KIF13A: variants seen among roughly 807,000 people sequenced by gnomAD.
KIF13A encodes kinesin-like protein KIF13A.
Under a neutral mutation model 212.2 loss-of-function variants are expected in KIF13A, and 79 were observed. The ratio of observed to expected loss-of-function variants is 0.37; its 90% CI spans 0.31 to 0.45. The LOEUF (loss-of-function observed/expected upper bound fraction) is 0.45. Ranked by LOEUF, KIF13A falls within the 20% of genes least tolerant of loss-of-function variation. The probability of loss-of-function intolerance (pLI) is 1.00; values close to 1 mark genes in which losing one functional copy is unlikely to be tolerated. For missense variants in KIF13A, 1,901 were observed against 2,209.0 expected, an observed-to-expected ratio of 0.86 and a Z score of 2.79; for synonymous variants, 789 against 808.6, an observed-to-expected ratio of 0.98 and a Z score of 0.41.
rs1310885000 is a variant in KIF13A, at chr6:17,789,146, G to C, written c.3261+726C>G. On this transcript the variant is annotated intron_variant, in intron 26 of 38. Coordinates refer to ENST00000259711, the MANE Select transcript of KIF13A (RefSeq NM_022113.6). This position sits in a 1 kb window ranked among gnomAD's most constrained non-coding sequence, Gnocchi z 4.8. The stretch of plus-strand genomic sequence containing the variant: ...AAGCTTCATCTTGGTTTGCTGCTTT[G>C]ACTATTTGTACGTAACCCCACACTC... 6.6e-6 allele frequency among the ~76,000 whole-genome samples: 1 copy of C among 152,176 alleles called. No homozygotes were observed. The highest frequency in any genetic ancestry group is 1.5e-5 in the Non-Finnish European group (1 of 68,032).
Position 17,816,780 on chromosome 6 carries a change from C to T in KIF13A, c.2000+240G>A, listed in dbSNP as rs1397347331. On this transcript the variant is annotated intron_variant, in intron 17 of 38. Transcript: ENST00000259711. The surrounding 1 kb of genome is among the most constrained non-coding windows in gnomAD (Gnocchi z 4.3). The stretch of plus-strand genomic sequence containing the variant: ...CCTGTCTAACCCTTGCAACTTGGCA[C>T]CATTTTTATTGAAGGGTAAATGGTT... 6.6e-6 allele frequency among the ~76,000 whole-genome samples: 1 copy of T among 152,206 alleles called. No homozygotes were observed. The highest frequency in any genetic ancestry group is 1.5e-5 in the Non-Finnish European group (1 of 68,040).
chr6:17,851,508 A>C (rs550737128), intron 7 of KIF13A, among the ~76,000 whole-genome samples: 1 of 152,346 alleles, frequency 6.6e-6, no homozygotes, highest in East Asian at 1.9e-4. Context: ...TCAAAGAGTA[A>C]ATAAAGTAAA....
intron 2 of KIF13A, among the ~76,000 whole-genome samples, chr6:17,901,570 A>G (rs1325934916): frequency 3.3e-5 from 5 of 152,232 alleles, no homozygotes. Flanking sequence ...AAATAAAATA[A>G]CTACTCAAAC....
In KIF13A at chr6:17,839,696, A is replaced by T. The variant is rs1487742080; in HGVS notation, c.831-2113T>A. ...AGGGAGGGCCCTAATCTAATGAGTG[A>T]TGTCCTTATAAGAAGGTCATATAAA... is the stretch of plus-strand genomic sequence containing the variant. On this transcript the variant is annotated intron_variant, in intron 9 of 38. Transcript: ENST00000259711. This position sits in a 1 kb window ranked among gnomAD's most constrained non-coding sequence, Gnocchi z 4.3. Among the ~76,000 whole-genome samples, 1 of 152,168 alleles carries T rather than the reference A, an allele frequency of 6.6e-6. No homozygotes were observed. Among genetic ancestry groups the T allele is most frequent in the Non-Finnish European group, 1.5e-5 (1 of 68,026 alleles).
At position 17,773,633 on chromosome 6, in the gene KIF13A, G is replaced by T; in HGVS notation, c.4219-50C>A. On this transcript the variant is annotated intron_variant, in intron 35 of 38. Coordinates refer to ENST00000259711, the MANE Select transcript of KIF13A (RefSeq NM_022113.6). This position sits in a 1 kb window ranked among gnomAD's most constrained non-coding sequence, Gnocchi z 4.2. Reference sequence around the variant, plus strand: ...CTGTAATTGAATCACTCCAAAATAAGAAATAAAGCCCAGGTTGGAGTTTCT... The same window carrying T: ...CTGTAATTGAATCACTCCAAAATAATAAATAAAGCCCAGGTTGGAGTTTCT... The T allele has an allele frequency of 9.7e-7, 1 of 1,031,344 alleles. No homozygotes were observed. The highest frequency in any genetic ancestry group is 1.4e-6 in the Non-Finnish European group (1 of 691,592). The allele number at this position is 1,031,344 out of a possible 1,614,324, so 63.9% of individuals were successfully genotyped here. A position where few individuals can be genotyped will look rare whatever the true frequency, so the allele number is the denominator to read the frequency against.
At chr6:17,901,740 G>T (rs2150488392) in intron 2 of KIF13A, among the ~76,000 whole-genome samples, 1 of 152,254 alleles carries the variant, frequency 6.6e-6, no homozygotes, top group East Asian at 1.9e-4. Context: ...ATTTTAATGT[G>T]CCAAATTCAT....
rs1771236141 is a variant in KIF13A, at chr6:17,883,202, C to T, written c.160-9765G>A. Among the ~76,000 whole-genome samples the T allele has an allele frequency of 6.6e-6, 1 of 152,056 alleles. No homozygotes were observed. Among genetic ancestry groups the T allele is most frequent in the African/African-American group, 2.4e-5 (1 of 41,398 alleles). On this transcript the variant is annotated intron_variant, in intron 3 of 38. Transcript: ENST00000259711. This position sits in a 1 kb window ranked among gnomAD's most constrained non-coding sequence, Gnocchi z 4.8. ...TAGTCTCTACAAAAAATAACATTAG[C>T]CAGCTGCAGGGGCATGTGCCTATAG...
At chr6:17,965,264 A>G (rs1426307795) in intron 2 of KIF13A, among the ~76,000 whole-genome samples, 1 of 152,196 alleles carries the variant, frequency 6.6e-6, no homozygotes, top group Non-Finnish European at 1.5e-5. Flanking sequence ...ATCTTTAGCT[A>G]TGTTCTGTCT....
At chr6:17,802,932 G>GTTTTTTTTTT (rs750485926) in intron 20 of KIF13A, among the ~76,000 whole-genome samples, 40 of 111,114 alleles carry the variant, frequency 3.6e-4, no homozygotes, top group East Asian at 1.5e-3. Flanking sequence ...TGTTTTTTTT[G>GTTTTTTTTTT]TTTTTTTTTG....
Position 17,984,243 on chromosome 6 carries a change from T to C in KIF13A, c.146+2811A>G, listed in dbSNP as rs1781356346. 6.6e-6 allele frequency among the ~76,000 whole-genome samples: 1 copy of C among 152,184 alleles called. No homozygotes were observed. The highest frequency in any genetic ancestry group is 2.4e-5 in the African/African-American group (1 of 41,442). ...TACTTTTTCCTCTCTCTCCTCCTTCTCTCCAAGGTGAGTGACTCTGGTGTA... is the reference window on the plus strand; with the variant it reads ...TACTTTTTCCTCTCTCTCCTCCTTCCCTCCAAGGTGAGTGACTCTGGTGTA... On this transcript the variant is annotated intron_variant, in intron 2 of 38. Coordinates refer to ENST00000259711, the MANE Select transcript of KIF13A (RefSeq NM_022113.6). This position sits in a 1 kb window ranked among gnomAD's most constrained non-coding sequence, Gnocchi z 5.0.
intron 16 of KIF13A, among the ~76,000 whole-genome samples, chr6:17,820,004 T>C (rs767363464): frequency 1.3e-5 from 2 of 151,798 alleles, no homozygotes; most frequent in Admixed American, 6.6e-5. Context: ...CATTATAGGG[T>C]TTTTGCTACG....
At chr6:17,936,072 T>C (rs1044279875) in intron 2 of KIF13A, among the ~76,000 whole-genome samples, 3 of 152,242 alleles carry the variant, frequency 2.0e-5, no homozygotes, top group Non-Finnish European at 2.9e-5. Context: ...ATTACTTATG[T>C]CAAAGTCCAG....
At chr6:17,924,689 C>T (rs946937374) in intron 2 of KIF13A, among the ~76,000 whole-genome samples, 7 of 152,114 alleles carry the variant, frequency 4.6e-5, no homozygotes, top group Middle Eastern at 3.4e-3. Flanking sequence ...ATAGGAAGGA[C>T]GGCATGATAA....
rs776658309 is a variant in KIF13A, at chr6:17,846,533, C to G, written c.830+2844G>C. On this transcript the variant is annotated intron_variant, in intron 9 of 38. Transcript: ENST00000259711. ...CTATAACCCTAGCACTTTGGGAGGCCAAGATGGGAAAATTGCTTGAGGCCA... is the reference window on the plus strand; with the variant it reads ...CTATAACCCTAGCACTTTGGGAGGCGAAGATGGGAAAATTGCTTGAGGCCA... 3.9e-4 allele frequency among the ~76,000 whole-genome samples: 56 copies of G among 145,048 alleles called. 1 individual carries two copies. The highest frequency in any genetic ancestry group is 1.7e-3 in the Admixed American group (24 of 14,080).
chr6:17,827,500 T>A (rs1036822667), intron 14 of KIF13A, among the ~76,000 whole-genome samples: 3 of 147,648 alleles, frequency 2.0e-5, no homozygotes, highest in African/African-American at 7.4e-5. Context: ...GGTTTCATTA[T>A]ATTATTCTCT....
intron 2 of KIF13A, among the ~76,000 whole-genome samples, chr6:17,920,343 G>A (rs561829864): frequency 6.6e-6 from 1 of 152,248 alleles, no homozygotes; most frequent in African/African-American, 2.4e-5. Context: ...AGAGAGGATA[G>A]GAAGAACACT....
rs944263461 is a variant in KIF13A, at chr6:17,961,769, C to T, written c.146+25285G>A. ...CAAGTAAGATGTCCACCTCCAGCAACGACATAGACTGCAGCGCACACCAGG... is the reference window on the plus strand; with the variant it reads ...CAAGTAAGATGTCCACCTCCAGCAATGACATAGACTGCAGCGCACACCAGG... On this transcript the variant is annotated intron_variant, in intron 2 of 38. Transcript: ENST00000259711. This position sits in a 1 kb window ranked among gnomAD's most constrained non-coding sequence, Gnocchi z 4.1. Among the ~76,000 whole-genome samples the T allele has an allele frequency of 2.0e-5, 3 of 152,158 alleles. No homozygotes were observed. The highest frequency in any genetic ancestry group is 6.5e-5 in the Admixed American group (1 of 15,276).
intron 3 of KIF13A, among the ~76,000 whole-genome samples, chr6:17,879,582 A>AAAC (rs1488811303): frequency 6.6e-6 from 1 of 152,226 alleles, no homozygotes; most frequent in Non-Finnish European, 1.5e-5. Flanking sequence ...TCAGGTGGAT[A>AAAC]AACAAGCAAG....
intron 2 of KIF13A, among the ~76,000 whole-genome samples, chr6:17,964,926 G>A (rs568616937): frequency 2.0e-5 from 3 of 152,068 alleles, no homozygotes; most frequent in East Asian, 1.9e-4. Flanking sequence ...TGGTTCAAGC[G>A]ATTCTCCCGC....
Sources: gnomAD v4.1 joint callset for allele counts (sites outside exome capture counted in the v4.1 genomes callset) on GRCh38, gnomAD v4.1.1 for gene constraint, Gnocchi (gnomAD v3.1) non-coding constraint, MANE v1.5 for transcripts, NCBI Gene and HGNC (gene_info 2026-07-23, HGNC 2026-07-21) for gene names.